STAC2: variants seen among roughly 807,000 people sequenced by gnomAD.
STAC2 encodes the protein SH3 and cysteine rich domain 2.
STAC2 carries 36 observed loss-of-function variants against 49.0 expected under a neutral mutation model. The ratio of observed to expected loss-of-function variants is 0.74; its 90% CI spans 0.56 to 0.97. The LOEUF (loss-of-function observed/expected upper bound fraction) is 0.97. STAC2 is among the 50% of genes least tolerant of loss of function. The pLI is 0.00. For synonymous variants in STAC2, 239 were observed against 214.7 expected (o/e 1.11, Z -0.99); for missense variants, 527 against 543.8 (o/e 0.97, Z 0.31).
At chr17:39,212,880 T>C in intron 10 of STAC2, 115 bp downstream of exon 10, 1 of 1,494,794 alleles carries the variant, frequency 6.7e-7, no homozygotes, top group Non-Finnish European at 8.9e-7. Context: ...CGCTTTCCCC[T>C]CAACTGCCAA....
intron 8 of STAC2, 76 bp from the exon 9 acceptor site, chr17:39,213,634 C>G: frequency 7.3e-7 from 1 of 1,364,124 alleles, no homozygotes; most frequent in Middle Eastern, 1.8e-4. Context: ...CCCTGGGCAC[C>G]TGGGGGACAC....
chr17:39,221,843 G>T (rs986803052), intron 1 of STAC2, among the ~76,000 whole-genome samples: 1 of 152,308 alleles, frequency 6.6e-6, no homozygotes, highest in South Asian at 2.1e-4. Flanking sequence ...AGGTCAATCA[G>T]AGAGTTTAGG....
intron 1 of STAC2, among the ~76,000 whole-genome samples, chr17:39,222,180 G>A (rs1264232268): frequency 6.6e-6 from 1 of 152,114 alleles, no homozygotes; most frequent in Non-Finnish European, 1.5e-5. Flanking sequence ...CCAGGCCCTT[G>A]TTTCCATAGT....
At chr17:39,224,122 A>C (rs2046487940) in intron 1 of STAC2, among the ~76,000 whole-genome samples, 1 of 151,784 alleles carries the variant, frequency 6.6e-6, no homozygotes, top group African/African-American at 2.4e-5. Flanking sequence ...TCCTCCGGTC[A>C]CTCCCTTGAT....
intron 1 of STAC2, among the ~76,000 whole-genome samples, chr17:39,221,461 C>A (rs989028079): frequency 6.6e-6 from 1 of 152,204 alleles, no homozygotes; most frequent in East Asian, 1.9e-4. Context: ...AAACTTACAT[C>A]TCTGAGGGGC....
At chr17:39,223,907 C>T (rs925161058) in intron 1 of STAC2, among the ~76,000 whole-genome samples, 2 of 152,174 alleles carry the variant, frequency 1.3e-5, no homozygotes, top group African/African-American at 4.8e-5. Context: ...CATCTTAGTC[C>T]TTTCCCAGGA....
Position 39,225,148 on chromosome 17 carries a change from G to A in STAC2, c.90+265C>T. ...TCCACGCGCGCCCTCCGGCCTCGCT[G>A]CGCCCATCTCTCCAACGAAGACCAG... On this transcript the variant is annotated intron_variant, in intron 1 of 10. Transcript: ENST00000333461. This position sits in a 1 kb window ranked among gnomAD's most constrained non-coding sequence, Gnocchi z 8.2. Among the ~76,000 whole-genome samples, 1 of 152,182 alleles carries A rather than the reference G, an allele frequency of 6.6e-6. No individual in the cohort carries two copies. Among genetic ancestry groups the A allele is most frequent in the Non-Finnish European group, 1.5e-5 (1 of 68,016 alleles).
At chr17:39,212,939 C>A in intron 10 of STAC2, 56 bp downstream of exon 10, 1 of 1,599,432 alleles carries the variant, frequency 6.3e-7, no homozygotes, top group Non-Finnish European at 8.5e-7. Flanking sequence ...CAGCCTGTCT[C>A]CCCCGCCCAC....
rs372743371 is a variant in STAC2, at chr17:39,213,444, T to C, written c.993+63A>G. The C allele has an allele frequency of 7.5e-5, 119 of 1,594,712 alleles. No homozygotes were observed. In the African/African-American group the frequency reaches 1.2e-3, roughly 17 times the overall value. ...GGAGAGAAGGTGGGGGCAGTGCCCA[T>C]TGGGGGTGGGGGCTGCTGGGGTGCC... On this transcript the variant is annotated intron_variant, in intron 9 of 10. Coordinates refer to ENST00000333461, the MANE Select transcript of STAC2 (RefSeq NM_198993.5).
At chr17:39,216,419 C>T (rs1009058423) in intron 4 of STAC2, among the ~76,000 whole-genome samples, 2 of 152,230 alleles carry the variant, frequency 1.3e-5, no homozygotes, top group Non-Finnish European at 2.9e-5. Context: ...ACCTTCTTCA[C>T]TACTGTGTCT....
chr17:39,224,140 A>T (rs1346245594), intron 1 of STAC2, among the ~76,000 whole-genome samples: 2 of 152,066 alleles, frequency 1.3e-5, no homozygotes, highest in Non-Finnish European at 2.9e-5. Context: ...GATGACCTTG[A>T]CCTTGAATTA....
In STAC2 at chr17:39,214,828, T is replaced by G; in HGVS notation, c.806A>C (p.Glu269Ala). The part of the protein sequence containing the change: ...SPVFTAPAES[E>A]GPGPEEKSPG... ...ACTCTTCTCCTCTGGTCCTGGCCCTTCACTCTCTGCTGGGGCTGTGAATAC... is the reference window on the plus strand; with the variant it reads ...ACTCTTCTCCTCTGGTCCTGGCCCTGCACTCTCTGCTGGGGCTGTGAATAC... Residue 269 changes from glutamate to alanine, a missense_variant, in exon 7 of 11, where the codon GAA (glutamate) becomes GCA (alanine). Physicochemically the swap from Glu to Ala is moderately radical, Grantham distance 107. Transcript: ENST00000333461. The G allele has an allele frequency of 6.2e-7, 1 of 1,614,080 alleles. No homozygotes were observed. Among genetic ancestry groups the G allele is most frequent in the Non-Finnish European group, 8.5e-7 (1 of 1,179,972 alleles).
In STAC2 at chr17:39,214,868, G is replaced by A; in HGVS notation, c.773-7C>T. ...GCTGTGAATACTGGAGATGCTAGGG[G>A]CAGGAGAGGGAAAGGGTGAGAGGCA... On this transcript the variant is annotated splice_region_variant and splice_polypyrimidine_tract_variant and intron_variant, in intron 6 of 10. Coordinates refer to ENST00000333461, the MANE Select transcript of STAC2 (RefSeq NM_198993.5). The A allele has an allele frequency of 6.2e-7, 1 of 1,614,020 alleles. No homozygotes were observed. The highest frequency in any genetic ancestry group is 1.1e-5 in the South Asian group (1 of 91,080).
intron 8 of STAC2, among the ~76,000 whole-genome samples, chr17:39,213,765 C>T (rs2046376282): frequency 6.6e-6 from 1 of 151,594 alleles, no homozygotes; most frequent in African/African-American, 2.4e-5. Context: ...CAACCTCCAC[C>T]TTCCGGGTTC....
At chr17:39,219,385 T>C (rs566174840) in intron 1 of STAC2, among the ~76,000 whole-genome samples, 1 of 152,252 alleles carries the variant, frequency 6.6e-6, no homozygotes, top group South Asian at 2.1e-4. Context: ...CCACTGGTCC[T>C]TCCTCCTCCA....
chr17:39,213,420 G>T, intron 9 of STAC2, 87 bp downstream of exon 9: 2 of 1,521,374 alleles, frequency 1.3e-6, no homozygotes, highest in Non-Finnish European at 1.8e-6. Context: ...TTGGGGCCTG[G>T]AGAGAAGGTG....
At position 39,216,899 on chromosome 17, in the gene STAC2, G is replaced by A. The variant is rs1239445624; in HGVS notation, c.497C>T (p.Ser166Phe). 5 of 1,599,832 alleles carry A rather than the reference G, an allele frequency of 3.1e-6. No individual in the cohort carries two copies. The highest frequency in any genetic ancestry group is 4.3e-6 in the Non-Finnish European group (5 of 1,173,150). Reference sequence around the variant, plus strand: ...ACTGAAGTTGCGGCGGAAGGAGGTGGACTATGGCAAGAGAGGGCAGAGAGG... The same window carrying A: ...ACTGAAGTTGCGGCGGAAGGAGGTGAACTATGGCAAGAGAGGGCAGAGAGG... ...ISHQQCPGKT[S>F]TSFRRNFSSP... The change falls in exon 4 of 11, where the codon TCC (serine) becomes TTC (phenylalanine). Residue 166 changes from serine to phenylalanine, a missense_variant and splice_region_variant. Ser to Phe is a radical substitution (Grantham distance 155). Coordinates refer to ENST00000333461, the MANE Select transcript of STAC2 (RefSeq NM_198993.5).
chr17:39,215,883 G>C (rs768080825), intron 4 of STAC2, among the ~76,000 whole-genome samples: 25 of 151,636 alleles, frequency 1.6e-4, no homozygotes, highest in Non-Finnish European at 3.4e-4. Flanking sequence ...TAGTAGAGAC[G>C]GGGTTTCACC....
Position 39,211,398 on chromosome 17 carries a change from C to A in STAC2, c.*894G>T, listed in dbSNP as rs1176362530. On this transcript the variant is annotated 3_prime_UTR_variant, in exon 11 of 11. Transcript: ENST00000333461. ...CTCCCGGGTTCAAGTGATTCTCTTG[C>A]CTCAGCCTCTGGAGTAGCTGGCATT... 6.6e-6 allele frequency: 1 copy of A among 152,036 alleles called. No homozygotes were observed. Among genetic ancestry groups the A allele is most frequent in the Non-Finnish European group, 1.5e-5 (1 of 68,146 alleles). 9.4% of individuals were successfully genotyped at this position (152,036 alleles called of 1,614,324 possible).
Sources: gnomAD v4.1 joint callset for allele counts (sites outside exome capture counted in the v4.1 genomes callset) on GRCh38, gnomAD v4.1.1 for gene constraint, Gnocchi (gnomAD v3.1) non-coding constraint, MANE v1.5 for transcripts, NCBI Gene and HGNC (gene_info 2026-07-23, HGNC 2026-07-21) for gene names.